CDH13: variants seen among roughly 807,000 people sequenced by gnomAD.
The protein encoded by CDH13 is cadherin 13, also known as cadherin-13.
Under a neutral mutation model 63.8 loss-of-function variants are expected in CDH13, and 24 were observed. The observed-to-expected ratio is 0.38, with a 90% CI of 0.27 to 0.53. The LOEUF (loss-of-function observed/expected upper bound fraction) is 0.53. Ranked by LOEUF, CDH13 falls within the 20% of genes least tolerant of loss-of-function variation. CDH13 has a pLI of 0.85. For missense variants in CDH13, 1,049 were observed against 903.1 expected (o/e 1.16, Z -2.07); for synonymous variants, 503 against 355.3 (o/e 1.42, Z -4.67).
chr16:83,366,439 C>T (rs1421425109), intron 6 of CDH13, among the ~76,000 whole-genome samples: 1 of 152,186 alleles, frequency 6.6e-6, no homozygotes, highest in Non-Finnish European at 1.5e-5. Context: ...GAGTCCCCAG[C>T]CCACTCAGCT....
intron 5 of CDH13, among the ~76,000 whole-genome samples, chr16:83,253,523 G>C (rs545197871): frequency 2.6e-5 from 4 of 152,338 alleles, no homozygotes; most frequent in African/African-American, 9.6e-5. Flanking sequence ...AAGCAGGTCT[G>C]ACAACGTGAA....
At chr16:83,282,832 T>G (rs1055748419) in intron 5 of CDH13, among the ~76,000 whole-genome samples, 20 of 152,222 alleles carry the variant, frequency 1.3e-4, no homozygotes, top group African/African-American at 4.8e-4. Flanking sequence ...CAAAGCATAT[T>G]TTCATCCTGT....
chr16:82,998,024 C>G (rs759904537), intron 2 of CDH13, among the ~76,000 whole-genome samples: 8 of 152,182 alleles, frequency 5.3e-5, no homozygotes, highest in Non-Finnish European at 8.8e-5. Context: ...GAAAGAGAAT[C>G]TCAGAGTTGA....
chr16:82,884,976 G>A (rs2040832399), intron 2 of CDH13, among the ~76,000 whole-genome samples: 1 of 152,162 alleles, frequency 6.6e-6, no homozygotes, highest in African/African-American at 2.4e-5. Context: ...TTTCCTCTTA[G>A]TTGGGTGGAC....
chr16:83,595,582 G>A (rs1020339081), intron 7 of CDH13, among the ~76,000 whole-genome samples: 10 of 152,182 alleles, frequency 6.6e-5, no homozygotes, highest in Admixed American at 2.6e-4. Context: ...GGTCACCAAA[G>A]GGGCTTTGAG....
At chr16:82,791,630 C>T (rs989948994) in intron 1 of CDH13, among the ~76,000 whole-genome samples, 4 of 152,306 alleles carry the variant, frequency 2.6e-5, no homozygotes, top group South Asian at 2.1e-4. Flanking sequence ...GTCGCAGACC[C>T]GTGGCTGACT....
At chr16:83,571,670 G>A (rs1199936525) in intron 7 of CDH13, among the ~76,000 whole-genome samples, 2 of 152,140 alleles carry the variant, frequency 1.3e-5, no homozygotes, top group Admixed American at 1.3e-4. Context: ...GTTTGCTCCT[G>A]AGGAGGACCA....
intron 5 of CDH13, among the ~76,000 whole-genome samples, chr16:83,288,373 C>A (rs2089377619): frequency 6.6e-6 from 1 of 152,138 alleles, no homozygotes; most frequent in African/African-American, 2.4e-5. Flanking sequence ...AGCCCAAGGT[C>A]TACATGAGGT....
intron 6 of CDH13, among the ~76,000 whole-genome samples, chr16:83,446,565 A>C (rs2151503688): frequency 1.3e-5 from 2 of 152,292 alleles, no homozygotes; most frequent in East Asian, 3.9e-4. Context: ...TGAACAATGG[A>C]AGAAAAACCA....
intron 5 of CDH13, among the ~76,000 whole-genome samples, chr16:83,323,050 A>G (rs576470012): frequency 2.0e-5 from 3 of 152,020 alleles, no homozygotes; most frequent in East Asian, 1.9e-4. Flanking sequence ...TACTCTTGCT[A>G]TCGTGCAAAT....
intron 6 of CDH13, among the ~76,000 whole-genome samples, chr16:83,421,557 G>A (rs1369830169): frequency 6.6e-6 from 1 of 152,218 alleles, no homozygotes; most frequent in Non-Finnish European, 1.5e-5. Context: ...ATGAGAGTGG[G>A]CAATGGAGAG....
chr16:82,680,077 C>T (rs1170666186), intron 1 of CDH13, among the ~76,000 whole-genome samples: 1 of 152,174 alleles, frequency 6.6e-6, no homozygotes, highest in African/African-American at 2.4e-5. Context: ...CATCCCTCCA[C>T]TGGGGAAGAG....
intron 1 of CDH13, among the ~76,000 whole-genome samples, chr16:82,787,573 C>G (rs1192702098): frequency 1.3e-5 from 2 of 152,092 alleles, no homozygotes; most frequent in African/African-American, 4.8e-5. Flanking sequence ...TTATTGTATG[C>G]TAGACATATG....
At chr16:82,629,583 G>A (rs558339791) in intron 1 of CDH13, among the ~76,000 whole-genome samples, 4 of 152,302 alleles carry the variant, frequency 2.6e-5, no homozygotes, top group African/African-American at 4.8e-5. Context: ...TTAGTCACTC[G>A]GCCCTGGTGG....
At position 82,768,306 on chromosome 16, in the gene CDH13, C is replaced by T. The variant is rs1267041212; in HGVS notation, c.46-90056C>T. Among the ~76,000 whole-genome samples, 4 of 152,286 alleles carry T rather than the reference C, an allele frequency of 2.6e-5. 1 individual carries two copies. The highest frequency in any genetic ancestry group is 2.6e-4 in the Admixed American group (4 of 15,300). On this transcript the variant is annotated intron_variant, in intron 1 of 13. Transcript: ENST00000567109. The stretch of plus-strand genomic sequence containing the variant: ...AGATACCTGCTAGTTGATAATGATG[C>T]CTCTCACATGGCCAGTCATTTTAGC...
chr16:83,108,111 G>A (rs1057037970), intron 3 of CDH13, among the ~76,000 whole-genome samples: 10 of 152,072 alleles, frequency 6.6e-5, no homozygotes, highest in African/African-American at 1.2e-4. Context: ...ATGAGCCACC[G>A]CGCCCAGCCC....
At chr16:83,562,236 A>G (rs1288359983) in intron 7 of CDH13, among the ~76,000 whole-genome samples, 1 of 152,212 alleles carries the variant, frequency 6.6e-6, no homozygotes, top group Non-Finnish European at 1.5e-5. Context: ...GGATAGGGCA[A>G]TCAAATTCTT....
At chr16:82,667,614 G>C (rs116088064) in intron 1 of CDH13, among the ~76,000 whole-genome samples, 1 of 152,274 alleles carries the variant, frequency 6.6e-6, no homozygotes, top group African/African-American at 2.4e-5. Context: ...CTGATGTCAC[G>C]TTGCCCCTAT....
intron 10 of CDH13, among the ~76,000 whole-genome samples, chr16:83,687,082 G>C (rs59863469): frequency 0.068 from 10,330 of 152,120 alleles, 556 homozygotes; most frequent in African/African-American, 0.14. Flanking sequence ...GCATGGTGGT[G>C]CTTGCCTGTA....
Sources: allele counts gnomAD v4.1 joint callset (sites outside exome capture counted in the v4.1 genomes callset), GRCh38; gene constraint gnomAD v4.1.1; transcripts MANE v1.5; gene names NCBI Gene and HGNC (gene_info 2026-07-23, HGNC 2026-07-21).